The following IQCM variants were observed in gnomAD, a reference collection of about 807,000 sequenced individuals.
IQCM encodes the protein IQ motif containing M.
A neutral mutation model predicts 57.6 loss-of-function variants in IQCM; 45 were observed. That is an observed-to-expected ratio of 0.78 (90% CI 0.62 to 1.00). IQCM has a LOEUF of 1.00. Ranked by LOEUF, IQCM falls within the 50% of genes least tolerant of loss-of-function variation. IQCM has a pLI of 0.00. For synonymous variants in IQCM, 148 were observed against 158.9 expected, an observed-to-expected ratio of 0.93 and a Z score of 0.51; for missense variants, 468 against 511.6, an observed-to-expected ratio of 0.91 and a Z score of 0.82.
At chr4:149,570,329 G>T (rs1484500405) in intron 9 of IQCM, among the ~76,000 whole-genome samples, 4 of 152,074 alleles carry the variant, frequency 2.6e-5, no homozygotes, top group East Asian at 3.9e-4. Context: ...AAACTAGTAT[G>T]GTGGCTCCTA....
intron 5 of IQCM, among the ~76,000 whole-genome samples, chr4:149,722,910 T>C (rs1294797218): frequency 6.6e-6 from 1 of 152,128 alleles, no homozygotes; most frequent in Non-Finnish European, 1.5e-5. Context: ...TGACATTGTT[T>C]CTTTCAATCC....
chr4:149,598,328 T>C (rs1456319595), intron 8 of IQCM, among the ~76,000 whole-genome samples: 1 of 152,130 alleles, frequency 6.6e-6, no homozygotes, highest in Admixed American at 6.5e-5. Context: ...TCTACCATCG[T>C]TGTGTGGAAT....
intron 13 of IQCM, among the ~76,000 whole-genome samples, chr4:149,380,017 C>T (rs1730967794): frequency 6.6e-6 from 1 of 152,138 alleles, no homozygotes; most frequent in Non-Finnish European, 1.5e-5. Flanking sequence ...GCTTGGTTTT[C>T]ATTCTCTTCT....
chr4:149,635,557 T>A (rs1174683979), intron 7 of IQCM, among the ~76,000 whole-genome samples: 1 of 152,226 alleles, frequency 6.6e-6, no homozygotes, highest in Non-Finnish European at 1.5e-5. Flanking sequence ...GAATAAAAAT[T>A]CATTTCAAAG....
intron 12 of IQCM, among the ~76,000 whole-genome samples, chr4:149,531,267 T>C (rs911623299): frequency 1.3e-5 from 2 of 152,204 alleles, no homozygotes; most frequent in South Asian, 2.1e-4. Flanking sequence ...TAAGCATCTG[T>C]ATGGTACGCC....
chr4:149,600,875 AT>A (rs1002378719), intron 8 of IQCM, among the ~76,000 whole-genome samples: 1 of 152,036 alleles, frequency 6.6e-6, no homozygotes, highest in African/African-American at 2.4e-5. Flanking sequence ...TACCTAGAAA[AT>A]TTTTTCAGGA....
At chr4:149,577,084 T>C (rs1236701617) in intron 9 of IQCM, among the ~76,000 whole-genome samples, 1 of 151,818 alleles carries the variant, frequency 6.6e-6, no homozygotes, top group East Asian at 1.9e-4. Context: ...TTTAATGGGG[T>C]TGTTTTTTGC....
intron 6 of IQCM, among the ~76,000 whole-genome samples, chr4:149,685,499 A>G (rs1762484262): frequency 6.6e-6 from 1 of 151,490 alleles, no homozygotes; most frequent in African/African-American, 2.4e-5. Context: ...TGAGTATTGT[A>G]TGACACTTAA....
chr4:149,735,257 A>G, intron 4 of IQCM, 119 bp downstream of exon 4: 1 of 459,634 alleles, frequency 2.2e-6, no homozygotes, highest in East Asian at 3.6e-5. Flanking sequence ...TTTCTCTTCA[A>G]TTCTATTCTC....
intron 12 of IQCM, among the ~76,000 whole-genome samples, chr4:149,548,225 A>C (rs1192182991): frequency 6.6e-6 from 1 of 152,156 alleles, no homozygotes; most frequent in African/African-American, 2.4e-5. Context: ...CTTCCTCCAA[A>C]AAAACCTGTA....
chr4:149,540,477 T>A (rs922773593), intron 12 of IQCM, among the ~76,000 whole-genome samples: 2 of 151,680 alleles, frequency 1.3e-5, no homozygotes, highest in Admixed American at 1.3e-4. Context: ...AAAAAGCAGA[T>A]CAGTGGTTGG....
At chr4:149,445,605 T>G (rs2111363307) in intron 12 of IQCM, among the ~76,000 whole-genome samples, 1 of 151,898 alleles carries the variant, frequency 6.6e-6, no homozygotes, top group African/African-American at 2.4e-5. Flanking sequence ...AAATGTTGCC[T>G]GTGCTTAGGG....
chr4:149,667,903 G>T (rs1477715661), intron 7 of IQCM, among the ~76,000 whole-genome samples: 3 of 151,976 alleles, frequency 2.0e-5, no homozygotes, highest in Admixed American at 6.6e-5. Flanking sequence ...AACAAAAAAA[G>T]CTTCCAAGAA....
chr4:149,417,144 T>C (rs1733801370), intron 13 of IQCM, among the ~76,000 whole-genome samples: 3 of 152,252 alleles, frequency 2.0e-5, no homozygotes, highest in African/African-American at 7.2e-5. Flanking sequence ...CTTTAGCAGA[T>C]GAAGAGATTA....
intron 13 of IQCM, among the ~76,000 whole-genome samples, chr4:149,374,937 G>A (rs995437856): frequency 2.6e-5 from 4 of 151,598 alleles, no homozygotes; most frequent in African/African-American, 9.7e-5. Flanking sequence ...ACAAGATTAT[G>A]CCAAGTTCCT....
At chr4:149,656,944 G>C (rs1759687840) in intron 7 of IQCM, among the ~76,000 whole-genome samples, 1 of 152,164 alleles carries the variant, frequency 6.6e-6, no homozygotes, top group Admixed American at 6.6e-5. Flanking sequence ...ATGGCTGAGA[G>C]ACGGTGGTGG....
intron 3 of IQCM, among the ~76,000 whole-genome samples, chr4:149,740,835 T>C (rs1053993595): frequency 3.3e-5 from 5 of 152,058 alleles, no homozygotes; most frequent in African/African-American, 1.2e-4. Flanking sequence ...AACCTGCTTG[T>C]AAACAGGTTC....
chr4:149,469,075 A>G (rs960394450), intron 12 of IQCM, among the ~76,000 whole-genome samples: 1 of 152,204 alleles, frequency 6.6e-6, no homozygotes, highest in East Asian at 1.9e-4. Context: ...CTCTTCTCCA[A>G]AGGAACACAG....
intron 8 of IQCM, among the ~76,000 whole-genome samples, chr4:149,608,746 G>C (rs958273455): frequency 6.6e-6 from 1 of 151,416 alleles, no homozygotes; most frequent in Non-Finnish European, 1.5e-5. Context: ...AAAACCTATG[G>C]GATACAGCCA....
Sources: allele counts gnomAD v4.1 joint callset (sites outside exome capture counted in the v4.1 genomes callset), GRCh38; gene constraint gnomAD v4.1.1; transcripts MANE v1.5; gene names NCBI Gene and HGNC (gene_info 2026-07-23, HGNC 2026-07-21).